SHLD1: variants seen among roughly 807,000 people sequenced by gnomAD.
SHLD1 encodes the protein shieldin complex subunit 1, also known as RINN1-REV7-interacting novel NHEJ regulator 3.
SHLD1 carries 3 observed loss-of-function variants against 5.5 expected under a neutral mutation model. That is an observed-to-expected ratio of 0.54 (90% CI 0.25 to 1.40). The LOEUF (loss-of-function observed/expected upper bound fraction) is 1.40. SHLD1 is among the 40% of genes most tolerant of loss of function. SHLD1 has a pLI of 0.15. For synonymous variants in SHLD1, 92 were observed against 94.3 expected, an observed-to-expected ratio of 0.98 and a Z score of 0.14; for missense variants, 210 against 244.4, an observed-to-expected ratio of 0.86 and a Z score of 0.94.
At chr20:5,770,342 AG>A (rs1392641563) in intron 1 of SHLD1, among the ~76,000 whole-genome samples, 1 of 152,212 alleles carries the variant, frequency 6.6e-6, no homozygotes, top group Non-Finnish European at 1.5e-5. Context: ...ATGTCAGTGC[AG>A]TTTGAAACAC....
intron 2 of SHLD1, among the ~76,000 whole-genome samples, chr20:5,824,947 A>C (rs1016715725): frequency 6.6e-6 from 1 of 152,200 alleles, no homozygotes; most frequent in Non-Finnish European, 1.5e-5. Context: ...TAGCTAAACC[A>C]TGTCCTTTCC....
At chr20:5,796,702 G>A (rs951677293) in intron 2 of SHLD1, among the ~76,000 whole-genome samples, 3 of 151,832 alleles carry the variant, frequency 2.0e-5, no homozygotes, top group South Asian at 2.1e-4. Context: ...AGTGGCATGC[G>A]CATATAGTGC....
chr20:5,773,368 T>C (rs79721963), intron 2 of SHLD1: 1 of 558,140 alleles, frequency 1.8e-6, no homozygotes. Context: ...TTTTTTTTTG[T>C]TTTGTTCTTT....
intron 2 of SHLD1, among the ~76,000 whole-genome samples, chr20:5,827,991 A>G (rs1039219409): frequency 6.6e-6 from 1 of 152,264 alleles, no homozygotes; most frequent in Non-Finnish European, 1.5e-5. Context: ...AATTAGTTGC[A>G]TTGAAATGAC....
At chr20:5,776,635 C>T (rs1015557488) in intron 2 of SHLD1, among the ~76,000 whole-genome samples, 4 of 151,860 alleles carry the variant, frequency 2.6e-5, no homozygotes, top group Non-Finnish European at 2.9e-5. Context: ...TGGTGGCAGG[C>T]GCCTGTAATC....
At chr20:5,836,893 T>A (rs2087795676) in intron 2 of SHLD1, among the ~76,000 whole-genome samples, 1 of 151,822 alleles carries the variant, frequency 6.6e-6, no homozygotes, top group African/African-American at 2.4e-5. Flanking sequence ...GACTGATAAA[T>A]AAAGAACTTA....
chr20:5,863,387 A>G lies in SHLD1; in HGVS notation c.542A>G (p.Asp181Gly). ...GAGGAAGGAAGTACATCTTTGGATG[A>G]TGAAAAGCCAAACCCAGGACTGTCA... ...PLEEGSTSLD[D>G]EKPNPGLSKD... is the part of the protein sequence containing the mutation. The change falls in exon 3 of 3, where the codon GAT (aspartate) becomes GGT (glycine). Residue 181 changes from aspartate to glycine, a missense_variant. Physicochemically the swap from Asp to Gly is moderately conservative, Grantham distance 94. Transcript: ENST00000303142. The G allele has an allele frequency of 6.2e-7, 1 of 1,614,110 alleles. No homozygotes were observed. The highest frequency in any genetic ancestry group is 1.7e-5 in the Admixed American group (1 of 60,014).
At chr20:5,848,202 A>G (rs1027728821) in intron 2 of SHLD1, among the ~76,000 whole-genome samples, 1 of 152,214 alleles carries the variant, frequency 6.6e-6, no homozygotes, top group African/African-American at 2.4e-5. Flanking sequence ...ATATGGATAC[A>G]TATATATGTG....
chr20:5,789,939 C>T (rs760458588), intron 2 of SHLD1, among the ~76,000 whole-genome samples: 1 of 152,160 alleles, frequency 6.6e-6, no homozygotes, highest in African/African-American at 2.4e-5. Context: ...GAAAGCCCAG[C>T]CCCCGGGAAG....
At chr20:5,860,831 AG>A (rs2088151704) in intron 2 of SHLD1, among the ~76,000 whole-genome samples, 1 of 149,114 alleles carries the variant, frequency 6.7e-6, no homozygotes, top group Non-Finnish European at 1.5e-5. Context: ...CTTGGGTAAA[AG>A]CTCTGGGCAT....
intron 2 of SHLD1, among the ~76,000 whole-genome samples, chr20:5,860,877 A>T (rs974554671): frequency 1.8e-4 from 1 of 5,618 alleles, no homozygotes; most frequent in African/African-American, 4.0e-3. Flanking sequence ...ACTATTCTTT[A>T]AAAAAAAAAA....
chr20:5,859,796 G>T lies in SHLD1; in HGVS notation c.179-3228G>T, dbSNP rs73596881. ...GTCATTGGTCTTCTGAAGGGGAAGG[G>T]TTGTTTCTCTGAAGACGACTGGCAG... On this transcript the variant is annotated intron_variant, in intron 2 of 2. Coordinates refer to ENST00000303142, the MANE Select transcript of SHLD1 (RefSeq NM_152504.4). Among the ~76,000 whole-genome samples the T allele has an allele frequency of 2.6e-5, 4 of 152,332 alleles. 1 individual carries two copies. The highest frequency in any genetic ancestry group is 2.0e-4 in the Admixed American group (3 of 15,296).
At chr20:5,751,152 C>T (rs902701416) in intron 1 of SHLD1, among the ~76,000 whole-genome samples, 18 of 152,210 alleles carry the variant, frequency 1.2e-4, no homozygotes, top group African/African-American at 4.3e-4. Context: ...CACGTCCACT[C>T]CGCCTCAAGT....
intron 1 of SHLD1, 44 bp from the exon 2 acceptor site, chr20:5,772,818 T>G: frequency 6.6e-7 from 1 of 1,521,892 alleles, no homozygotes; most frequent in Non-Finnish European, 8.9e-7. Context: ...GATCCTGCTA[T>G]GTGGTGCCTT....
At chr20:5,829,098 A>G (rs990773991) in intron 2 of SHLD1, among the ~76,000 whole-genome samples, 5 of 119,590 alleles carry the variant, frequency 4.2e-5, no homozygotes, top group Non-Finnish European at 6.3e-5. Flanking sequence ...GCTGGTCTCA[A>G]CTCCTGGGCT....
chr20:5,777,791 G>C (rs1985499619), intron 2 of SHLD1, among the ~76,000 whole-genome samples: 1 of 152,050 alleles, frequency 6.6e-6, no homozygotes. Context: ...AAGTGACCAA[G>C]AGGATGATAC....
intron 1 of SHLD1, among the ~76,000 whole-genome samples, chr20:5,765,341 GTTCAAGTGATTC>G (rs1197005592): frequency 6.6e-6 from 1 of 152,156 alleles, no homozygotes; most frequent in Non-Finnish European, 1.5e-5. Flanking sequence ...CGCCTCCTGG[GTTCAAGTGATTC>G]TTCTGCCTGA....
intron 2 of SHLD1, among the ~76,000 whole-genome samples, chr20:5,805,387 C>A (rs1461632561): frequency 6.6e-6 from 1 of 152,104 alleles, no homozygotes; most frequent in African/African-American, 2.4e-5. Context: ...GAACTCCAGA[C>A]CTCAGGTGAT....
At chr20:5,857,955 C>T (rs56102063) in intron 2 of SHLD1, among the ~76,000 whole-genome samples, 3,073 of 152,194 alleles carry the variant, frequency 0.02, 52 homozygotes, top group Middle Eastern at 0.044. Flanking sequence ...AAAAATTAGC[C>T]GGGCATGGTG....
Sources: allele counts gnomAD v4.1 joint callset (sites outside exome capture counted in the v4.1 genomes callset), GRCh38; gene constraint gnomAD v4.1.1; transcripts MANE v1.5; gene names NCBI Gene and HGNC (gene_info 2026-07-23, HGNC 2026-07-21).